Variants in CDH15 observed in about 807,000 individuals in gnomAD.
CDH15 encodes cadherin 15.
In CDH15, 73 loss-of-function variants were observed where a neutral mutation model predicts 69.4. The ratio of observed to expected loss-of-function variants is 1.05; its 90% CI spans 0.87 to 1.28. The LOEUF is 1.28. Among genes scored for constraint, CDH15 ranks in the 50% most tolerant of loss-of-function variants. The pLI is 0.00. For missense variants in CDH15, 1,343 were observed against 1,133.6 expected, an observed-to-expected ratio of 1.18 and a Z score of -2.65; for synonymous variants, 624 against 507.7, an observed-to-expected ratio of 1.23 and a Z score of -3.08.
In CDH15 at chr16:89,191,035, C is replaced by T. The variant is rs375297992; in HGVS notation, c.1233-295C>T. ...TGTGTGTGCACATGTGTGGTACATG[C>T]GTGTGGTGTATAGGTGTGTGGGGGG... On this transcript the variant is annotated intron_variant, in intron 8 of 13. Coordinates refer to ENST00000289746, the MANE Select transcript of CDH15 (RefSeq NM_004933.3). Among the ~76,000 whole-genome samples the T allele has an allele frequency of 1.3e-3, 163 of 122,552 alleles. 1 individual carries two copies. The highest frequency in any genetic ancestry group is 3.8e-3 in the East Asian group (16 of 4,198). 80.4% of individuals were successfully genotyped at this position (122,552 alleles called of 152,430 possible).
Position 89,190,736 on chromosome 16 carries a change from G to A in CDH15, c.1232+240G>A, listed in dbSNP as rs562824488. Among the ~76,000 whole-genome samples the A allele has an allele frequency of 1.2e-4, 19 of 152,180 alleles. No individual in the cohort carries two copies. The South Asian group carries it at 2.3e-3, about 18-fold the overall frequency. Reference sequence around the variant, plus strand: ...GCACGCCAGTCTGTCCCTGCCAGCCGTGTCCATCCCAGGAGGCCCTTGCTC... The same window carrying A: ...GCACGCCAGTCTGTCCCTGCCAGCCATGTCCATCCCAGGAGGCCCTTGCTC... On this transcript the variant is annotated intron_variant, in intron 8 of 13. Coordinates refer to ENST00000289746, the MANE Select transcript of CDH15 (RefSeq NM_004933.3).
Position 89,188,254 on chromosome 16 carries a change from A to G in CDH15, c.947A>G (p.Lys316Arg), listed in dbSNP as rs1915535083. 11 of 1,613,414 alleles carry G rather than the reference A, an allele frequency of 6.8e-6. No individual in the cohort carries two copies. The highest frequency in any genetic ancestry group is 1.3e-5 in the African/African-American group (1 of 74,948). Residue 316 changes from lysine (K) to arginine (R), a missense_variant, in exon 7 of 14, where the codon AAG becomes AGG. Transcript: ENST00000289746. ...DGQFTIRTDP[K>R]TNEGVLSIVK... is the part of the protein sequence containing the mutation. ...CAGTTCACCATCCGCACGGACCCCA[A>G]GACCAACGAGGGTGTTCTGTCCATT...
chr16:89,190,517 G>A (rs748286710), intron 8 of CDH15, 21 bp downstream of exon 8: 3 of 1,577,540 alleles, frequency 1.9e-6, no homozygotes, highest in East Asian at 2.3e-5. Context: ...TGAGGCCCTG[G>A]GAGAGGTAGA....
intron 5 of CDH15, among the ~76,000 whole-genome samples, chr16:89,186,481 A>AGC (rs1217858563): frequency 1.2e-4 from 17 of 138,996 alleles, no homozygotes; most frequent in Non-Finnish European, 9.3e-5. Flanking sequence ...AGGCCCACCC[A>AGC]GCGCACAGTA....
rs1380781379 is a variant in CDH15, at chr16:89,195,020, G to T, written c.2310G>T (p.Gly770=). ...DQDYDYLRDW[G]PRFARLADMY... Reference sequence around the variant, plus strand: ...ACTACGACTACCTCAGAGACTGGGGGCCCCGCTTCGCCCGGCTGGCAGACA... The same window carrying T: ...ACTACGACTACCTCAGAGACTGGGGTCCCCGCTTCGCCCGGCTGGCAGACA... The change falls in exon 14 of 14, where the codon GGG becomes GGT. Residue 770 remains glycine, a synonymous_variant. Transcript: ENST00000289746. 6.2e-7 allele frequency: 1 copy of T among 1,612,216 alleles called. No homozygotes were observed. The highest frequency in any genetic ancestry group is 8.5e-7 in the Non-Finnish European group (1 of 1,179,720).
At position 89,180,138 on chromosome 16, in the gene CDH15, G is replaced by A. The variant is rs1915342980; in HGVS notation, c.202-62G>A. On this transcript the variant is annotated intron_variant, in intron 2 of 13. Transcript: ENST00000289746. The stretch of plus-strand genomic sequence containing the variant: ...CAGCTGGGGAGGGGCCTGAGGGGCT[G>A]CAGAGAGGGCAGAGGCCCCCGCCCG... 3.2e-6 allele frequency: 5 copies of A among 1,581,428 alleles called. No individual in the cohort carries two copies. The Admixed American group carries it at 6.8e-5, about 22-fold the overall frequency.
chr16:89,180,347 C>G lies in CDH15; in HGVS notation c.349C>G (p.Arg117Gly), dbSNP rs578055365. 7.4e-6 allele frequency: 12 copies of G among 1,611,990 alleles called. No individual in the cohort carries two copies. In the African/African-American group the frequency reaches 1.5e-4, roughly 20 times the overall value. Residue 117 changes from arginine to glycine, a missense_variant, in exon 3 of 14, where the codon CGC (arginine) becomes GGC (glycine). Coordinates refer to ENST00000289746, the MANE Select transcript of CDH15 (RefSeq NM_004933.3). The stretch of plus-strand genomic sequence containing the variant: ...CATGCTGGACCGCGAGAAGACTGAT[C>G]GCTTCAGGGTGCGGAGCTGCGTGGT... Reference protein sequence around the residue: ...NAMLDREKTDRFRLRAFALDL... With the variant: ...NAMLDREKTDGFRLRAFALDL...
Position 89,179,563 on chromosome 16 carries a change from C to T in CDH15, c.190C>T (p.Pro64Ser). 1.3e-6 allele frequency: 2 copies of T among 1,593,310 alleles called. No homozygotes were observed. The highest frequency in any genetic ancestry group is 1.7e-6 in the Non-Finnish European group (2 of 1,167,772). Residue 64 changes from proline to serine, a missense_variant, in exon 2 of 14, where the codon CCC becomes TCC. Physicochemically the swap from Pro to Ser is moderately conservative, Grantham distance 74 (BLOSUM62 -1). Coordinates refer to ENST00000289746, the MANE Select transcript of CDH15 (RefSeq NM_004933.3). ...VSENHKRLPY[P>S]LVQIKSDKQQ... The stretch of plus-strand genomic sequence containing the variant: ...CGAGAACCACAAGCGTCTCCCCTAC[C>T]CCCTGGTTCAGGTGAGCAGGTGGAG...
At chr16:89,179,638 A>G (rs545005267) in intron 2 of CDH15, 64 bp downstream of exon 2, 16 of 1,479,078 alleles carry the variant, frequency 1.1e-5, no homozygotes, top group Middle Eastern at 1.8e-4. Flanking sequence ...GGCCTCCCTC[A>G]TTCTCTAAAG....
chr16:89,179,229 A>T (rs1291289061), intron 1 of CDH15, among the ~76,000 whole-genome samples, 187 bp from the exon 2 acceptor site: 2 of 152,204 alleles, frequency 1.3e-5, no homozygotes, highest in Non-Finnish European at 2.9e-5. Flanking sequence ...GGCGGGGCTC[A>T]CGTGCCTTTG....
chr16:89,190,321 C>T lies in CDH15; in HGVS notation c.1057C>T (p.Leu353Phe), dbSNP rs1425661967. 1 of 1,612,252 alleles carries T rather than the reference C, an allele frequency of 6.2e-7. No homozygotes were observed. The highest frequency in any genetic ancestry group is 1.3e-5 in the African/African-American group (1 of 74,936). Residue 353 changes from leucine to phenylalanine, a missense_variant, in exon 8 of 14, where the codon CTT (leucine) becomes TTT (phenylalanine). Transcript: ENST00000289746. The stretch of plus-strand genomic sequence containing the variant: ...TGAGGCCCCGCTGCAGGCGGCTGCC[C>T]TTAGGGCTGAGCGGGGCCAGGCCAA... ...QNEAPLQAAA[L>F]RAERGQAKVR...
chr16:89,183,910 T>C (rs189237346), intron 4 of CDH15, among the ~76,000 whole-genome samples: 1 of 152,320 alleles, frequency 6.6e-6, no homozygotes, highest in Admixed American at 6.5e-5. Flanking sequence ...GTGGAGGTTT[T>C]TCAGGGGTCT....
chr16:89,185,103 C>A, intron 4 of CDH15, 70 bp from the exon 5 acceptor site: 2 of 1,432,670 alleles, frequency 1.4e-6, no homozygotes, highest in Non-Finnish European at 1.9e-6. Flanking sequence ...GGTGCCCCCA[C>A]GCCCCTCACA....
chr16:89,190,664 A>G (rs956868253), intron 8 of CDH15, among the ~76,000 whole-genome samples, 168 bp downstream of exon 8: 1 of 152,030 alleles, frequency 6.6e-6, no homozygotes, highest in Admixed American at 6.5e-5. Flanking sequence ...CCGTGTGTGC[A>G]TGTTGGGGTG....
rs201515941 is a variant in CDH15, at chr16:89,179,514, G to A, written c.141G>A (p.Trp47Ter). The change falls in exon 2 of 14, where the codon TGG becomes TGA. Residue 47 changes from tryptophan (W) to a stop codon, truncating the protein, a stop_gained. Coordinates refer to ENST00000289746, the MANE Select transcript of CDH15 (RefSeq NM_004933.3). LOFTEE classifies it high-confidence loss of function. ...APALSRVRRA[W>*]VIPPISVSEN... is the part of the protein sequence containing the mutation. ...CCCTGAGCCGCGTGCGGAGGGCCTG[G>A]GTCATCCCCCCGATCAGCGTATCCG... is the stretch of plus-strand genomic sequence containing the variant. The A allele has an allele frequency of 6.2e-7, 1 of 1,612,936 alleles. No individual in the cohort carries two copies. Among genetic ancestry groups the A allele is most frequent in the East Asian group, 2.2e-5 (1 of 44,868 alleles).
At chr16:89,177,876 C>A (rs773467114) in intron 1 of CDH15, among the ~76,000 whole-genome samples, 9 of 152,108 alleles carry the variant, frequency 5.9e-5, no homozygotes, top group Non-Finnish European at 1.2e-4. Context: ...CACCCAGAAA[C>A]ACTGACTCCC....
intron 7 of CDH15, among the ~76,000 whole-genome samples, chr16:89,188,530 C>T (rs368962251): frequency 5.7e-5 from 8 of 140,316 alleles, no homozygotes; most frequent in Admixed American, 1.4e-4. Flanking sequence ...ACACAGATGC[C>T]GGCACACACA....
intron 3 of CDH15, among the ~76,000 whole-genome samples, chr16:89,180,850 A>T (rs868719097): frequency 2.0e-5 from 3 of 151,744 alleles, no homozygotes; most frequent in African/African-American, 7.3e-5. Context: ...CAGCCTCCCG[A>T]GTAGCTGGGA....
intron 1 of CDH15, among the ~76,000 whole-genome samples, chr16:89,176,464 G>A (rs77612535): frequency 0.075 from 11,445 of 152,212 alleles, 982 homozygotes; most frequent in East Asian, 0.45. Context: ...TGCCTGGAGC[G>A]GGTGCCCCCT....
Sources: allele counts gnomAD v4.1 joint callset (sites outside exome capture counted in the v4.1 genomes callset), GRCh38; gene constraint gnomAD v4.1.1; transcripts MANE v1.5; gene names NCBI Gene and HGNC (gene_info 2026-07-23, HGNC 2026-07-21).